Variants in TRAPPC13 observed in about 807,000 individuals in gnomAD.
The protein encoded by TRAPPC13 is REV7-interacting novel NHEJ regulator 1.
A neutral mutation model predicts 54.0 loss-of-function variants in TRAPPC13; 39 were observed. That is an observed-to-expected ratio of 0.72 (90% confidence interval 0.56 to 0.94). The LOEUF is 0.94. Ranked by LOEUF, TRAPPC13 falls within the 40% of genes least tolerant of loss-of-function variation. The pLI is 0.00. For missense variants in TRAPPC13, 386 were observed against 488.1 expected, an observed-to-expected ratio of 0.79 and a Z score of 1.97; for synonymous variants, 148 against 167.7, an observed-to-expected ratio of 0.88 and a Z score of 0.91.
chr5:65,637,647 A>AG, intron 3 of TRAPPC13, 49 bp from the exon 4 acceptor site: 1 of 1,175,156 alleles, frequency 8.5e-7, no homozygotes, highest in Non-Finnish European at 1.2e-6. Context: ...AAAAAAAAAG[A>AG]AAAAAAACCT....
chr5:65,658,365 C>G lies in TRAPPC13; in HGVS notation c.565-3C>G. 6.3e-7 allele frequency: 1 copy of G among 1,593,680 alleles called. No individual in the cohort carries two copies. Among genetic ancestry groups the G allele is most frequent in the Non-Finnish European group, 8.6e-7 (1 of 1,169,028 alleles). On this transcript the variant is annotated splice_polypyrimidine_tract_variant and splice_region_variant and intron_variant, in intron 8 of 12. Coordinates refer to ENST00000399438, the MANE Select transcript of TRAPPC13 (RefSeq NM_024941.4). ...TTGGTGGATATTTTTTTCATATCCT[C>G]AGACTGATGAAGTATTTCTGGAAGC... is the stretch of plus-strand genomic sequence containing the variant.
chr5:65,650,157 CTTTT>C (rs34093188), intron 5 of TRAPPC13, among the ~76,000 whole-genome samples: 13 of 78,114 alleles, frequency 1.7e-4, no homozygotes, highest in African/African-American at 3.6e-4. Context: ...CACACCTGGC[CTTTT>C]TTTTTTTTTT....
intron 1 of TRAPPC13, among the ~76,000 whole-genome samples, chr5:65,629,175 CTTAATATA>C (rs779079296): frequency 6.6e-6 from 1 of 152,128 alleles, no homozygotes; most frequent in African/African-American, 2.4e-5. Flanking sequence ...ACTATTATTA[CTTAATATA>C]TTAATATCGA....
chr5:65,634,563 T>G (rs1755677365), intron 1 of TRAPPC13, among the ~76,000 whole-genome samples: 1 of 152,268 alleles, frequency 6.6e-6, no homozygotes, highest in South Asian at 2.1e-4. Flanking sequence ...TTTTCTGACA[T>G]TTTTGTAATT....
Position 65,636,170 on chromosome 5 carries a change from G to A in TRAPPC13, c.215+127G>A. 5 of 619,376 alleles carry A rather than the reference G, an allele frequency of 8.1e-6. No homozygotes were observed. In the South Asian group the frequency reaches 9.9e-5, roughly 12 times the overall value. The allele number at this position is 619,376 out of a possible 1,614,324, so 38.4% of individuals were successfully genotyped here. On this transcript the variant is annotated intron_variant, in intron 3 of 12. Coordinates refer to ENST00000399438, the MANE Select transcript of TRAPPC13 (RefSeq NM_024941.4). ...TTTTTTTTTTTTTTTCTGAGATGGA[G>A]TCTCGCTCTATTGCCCAGGCTGGAG...
At chr5:65,641,149 G>T (rs1581216531) in intron 4 of TRAPPC13, among the ~76,000 whole-genome samples, 1 of 152,018 alleles carries the variant, frequency 6.6e-6, no homozygotes, top group Admixed American at 6.6e-5. Flanking sequence ...GCTCAAGCAG[G>T]TCTTGAACTC....
rs775434020 is a variant in TRAPPC13, at chr5:65,664,566, C to G, written c.1209C>G (p.Ile403Met). The G allele has an allele frequency of 6.2e-7, 1 of 1,612,368 alleles. No individual in the cohort carries two copies. ...FLKRTYEYDDIAQVCVVSSAI... is the reference protein window; with the variant it reads ...FLKRTYEYDDMAQVCVVSSAI... ...AGAGAACATATGAATATGATGACAT[C>G]GCACAAGTCTGTGTGGTATCTTCTG... The change falls in exon 13 of 13, where the codon ATC becomes ATG. Residue 403 changes from isoleucine (I) to methionine (M), a missense_variant. Transcript: ENST00000399438.
chr5:65,659,048 C>T (rs900085093), intron 9 of TRAPPC13, among the ~76,000 whole-genome samples: 1 of 152,136 alleles, frequency 6.6e-6, no homozygotes, highest in Non-Finnish European at 1.5e-5. Context: ...GGTACATTTA[C>T]TACAATTGAT....
Position 65,635,994 on chromosome 5 carries a change from G to A in TRAPPC13, c.166G>A (p.Ala56Thr), listed in dbSNP as rs781065064. 1.8e-5 allele frequency: 29 copies of A among 1,602,718 alleles called. No individual in the cohort carries two copies. In the Admixed American group the frequency reaches 5.0e-4, roughly 27 times the overall value. Residue 56 changes from alanine to threonine, a missense_variant, in exon 3 of 13, where the codon GCA becomes ACA. By Grantham distance (58) the Ala-to-Thr change is moderately conservative. Transcript: ENST00000399438. ...MRDDPSTVNG[A>T]EVLMLGEMLT... ...AGATGATCCTTCAACCGTTAATGGTGCAGAAGTTTTAATGTTGGGAGAAAT... is the reference window on the plus strand; with the variant it reads ...AGATGATCCTTCAACCGTTAATGGTACAGAAGTTTTAATGTTGGGAGAAAT...
At chr5:65,657,939 A>G (rs1281010407) in intron 8 of TRAPPC13, 1 of 155,634 alleles carries the variant, frequency 6.4e-6, no homozygotes, top group Non-Finnish European at 1.4e-5. Context: ...TGGCATTAAT[A>G]TGACAATCAA....
chr5:65,647,818 C>CATCT (rs1167070403), intron 5 of TRAPPC13, among the ~76,000 whole-genome samples: 2 of 152,134 alleles, frequency 1.3e-5, no homozygotes, highest in Non-Finnish European at 2.9e-5. Context: ...ATCTCTTCTT[C>CATCT]ATCTCTACTT....
At chr5:65,650,707 A>C in intron 5 of TRAPPC13, 103 bp from the exon 6 acceptor site, 1 of 839,630 alleles carries the variant, frequency 1.2e-6, no homozygotes, top group Non-Finnish European at 1.9e-6. Context: ...TCCACACCAT[A>C]GATATAAGTG....
intron 8 of TRAPPC13, among the ~76,000 whole-genome samples, chr5:65,656,782 CGTAATCCCAGTTACTTGAGAGGCTGA>C (rs1399564327): frequency 6.6e-6 from 1 of 151,622 alleles, no homozygotes; most frequent in Non-Finnish European, 1.5e-5. Context: ...GGCACTTGCC[CGTAATCCCAGTTACTTGAGAGGCTGA>C]GGCAGGAGAA....
At chr5:65,630,685 A>G (rs1484791037) in intron 1 of TRAPPC13, 3 of 999,834 alleles carry the variant, frequency 3.0e-6, no homozygotes, top group Non-Finnish European at 2.4e-6. Context: ...TTTTTAAAAA[A>G]TAAAACTCGA....
At chr5:65,629,561 C>A in intron 1 of TRAPPC13, 1 of 1,492,606 alleles carries the variant, frequency 6.7e-7, no homozygotes, top group South Asian at 1.3e-5. Context: ...ATTTTCTCAT[C>A]ACTAAGAGTA....
At chr5:65,630,782 G>T in intron 1 of TRAPPC13, 1 of 644,284 alleles carries the variant, frequency 1.6e-6, no homozygotes, top group Non-Finnish European at 1.9e-6. Context: ...TGTTTCCAAA[G>T]ATATGTAATA....
At chr5:65,644,632 A>G (rs891554075) in intron 4 of TRAPPC13, among the ~76,000 whole-genome samples, 1 of 152,268 alleles carries the variant, frequency 6.6e-6, no homozygotes, top group African/African-American at 2.4e-5. Flanking sequence ...CTGTAATCCC[A>G]GCACTTTGGG....
chr5:65,644,164 A>C (rs1756091579), intron 4 of TRAPPC13, among the ~76,000 whole-genome samples: 1 of 151,828 alleles, frequency 6.6e-6, no homozygotes, highest in South Asian at 2.1e-4. Flanking sequence ...TTTTTCCTGG[A>C]GGTCCTGGTG....
chr5:65,629,870 C>T, intron 1 of TRAPPC13: 1 of 1,536,014 alleles, frequency 6.5e-7, no homozygotes, highest in Non-Finnish European at 8.7e-7. Context: ...GGAGTTTCAA[C>T]CTAGCTTGAA....
Sources: gnomAD v4.1 joint callset for allele counts (sites outside exome capture counted in the v4.1 genomes callset) on GRCh38, gnomAD v4.1.1 for gene constraint, MANE v1.5 for transcripts, NCBI Gene and HGNC (gene_info 2026-07-23, HGNC 2026-07-21) for gene names.